FAM53B: variants seen among roughly 807,000 people sequenced by gnomAD.
The protein encoded by FAM53B is protein FAM53B.
Under a neutral mutation model 32.7 loss-of-function variants are expected in FAM53B, and 12 were observed. The observed-to-expected ratio is 0.37, with a 90% confidence interval of 0.24 to 0.59. The LOEUF (loss-of-function observed/expected upper bound fraction) is 0.59. FAM53B is among the 20% of genes least tolerant of loss of function. The pLI is 0.72. For missense variants in FAM53B, 477 were observed against 577.7 expected (o/e 0.83, Z 1.79); for synonymous variants, 234 against 228.7 (o/e 1.02, Z -0.21).
At chr10:124,656,683 C>T (rs769902372) in intron 4 of FAM53B, among the ~76,000 whole-genome samples, 52 of 152,216 alleles carry the variant, frequency 3.4e-4, no homozygotes, top group Non-Finnish European at 6.3e-4. Context: ...ATGTGCTGCC[C>T]TCCCACTGAT....
chr10:124,676,237 C>T (rs1256246855), intron 4 of FAM53B, among the ~76,000 whole-genome samples: 5 of 152,170 alleles, frequency 3.3e-5, no homozygotes, highest in African/African-American at 1.2e-4. Flanking sequence ...CTTTCTAGGG[C>T]TTTCCATGCC....
At chr10:124,735,843 G>A (rs76711079) in intron 1 of FAM53B, among the ~76,000 whole-genome samples, 1,734 of 152,340 alleles carry the variant, frequency 0.011, 11 homozygotes, top group Non-Finnish European at 0.019. Context: ...AGAGACAGTC[G>A]CCTGCTCAAA....
rs546079463 is a variant in FAM53B, at chr10:124,623,332, C to T, written c.1179G>A (p.Pro393=). ...LDEDCGRRAE[P]AAAWRDRGAP... is the part of the protein sequence containing the mutation. ...CCCCGCGGTCCCGCCAGGCTGCAGC[C>T]GGCTCCGCTCTCCTGCCACAATCCT... Residue 393 remains proline, a synonymous_variant, in exon 5 of 5, where the codon CCG becomes CCA. Coordinates refer to ENST00000337318, the MANE Select transcript of FAM53B (RefSeq NM_014661.4). The T allele has an allele frequency of 1.5e-4, 238 of 1,612,194 alleles. 2 individuals are homozygous for T. The highest frequency in any genetic ancestry group is 4.9e-4 in the Middle Eastern group (3 of 6,084).
chr10:124,632,402 C>T (rs1589731175), intron 4 of FAM53B, among the ~76,000 whole-genome samples: 1 of 152,262 alleles, frequency 6.6e-6, no homozygotes, highest in Non-Finnish European at 1.5e-5. Context: ...AGGGACCTTT[C>T]CAAAGCACAC....
At position 124,620,363 on chromosome 10, in the gene FAM53B, C is replaced by G. The variant is rs866918169; in HGVS notation, c.*2879G>C. On this transcript the variant is annotated 3_prime_UTR_variant, in exon 5 of 5. Coordinates refer to ENST00000337318, the MANE Select transcript of FAM53B (RefSeq NM_014661.4). Reference sequence around the variant, plus strand: ...GGTGCATGTGGCACTAAGCCCCCCCCACCGCCCCGGCTTTCCTGCAGGCTT... The same window carrying G: ...GGTGCATGTGGCACTAAGCCCCCCCGACCGCCCCGGCTTTCCTGCAGGCTT... 3 of 146,260 alleles carry G rather than the reference C, an allele frequency of 2.1e-5. No individual in the cohort carries two copies. The highest frequency in any genetic ancestry group is 7.6e-5 in the African/African-American group (3 of 39,556). The allele number at this position is 146,260 out of a possible 1,614,324, so 9.1% of individuals were successfully genotyped here.
intron 4 of FAM53B, chr10:124,667,505 G>A (rs1158036042): frequency 2.8e-6 from 2 of 719,174 alleles, no homozygotes; most frequent in Non-Finnish European, 2.6e-6. Flanking sequence ...CACAGCTGTG[G>A]CCTGGCACTC....
chr10:124,663,806 A>G (rs1241483257), intron 4 of FAM53B, among the ~76,000 whole-genome samples: 2 of 151,894 alleles, frequency 1.3e-5, no homozygotes, highest in African/African-American at 2.4e-5. Flanking sequence ...CCAGCAGCCT[A>G]TATTCCCTGT....
intron 4 of FAM53B, among the ~76,000 whole-genome samples, chr10:124,649,905 A>T (rs375886842): frequency 2.0e-5 from 3 of 152,212 alleles, no homozygotes; most frequent in African/African-American, 4.8e-5. Context: ...TGGTGCCTTT[A>T]GGAAGACACT....
chr10:124,636,696 C>T (rs771619640), intron 4 of FAM53B, among the ~76,000 whole-genome samples: 2 of 151,894 alleles, frequency 1.3e-5, no homozygotes, highest in East Asian at 1.9e-4. Flanking sequence ...CCCCATCCTG[C>T]GGAGGTTAGA....
chr10:124,628,686 T>C (rs113426952), intron 4 of FAM53B, among the ~76,000 whole-genome samples: 13 of 152,326 alleles, frequency 8.5e-5, no homozygotes, highest in African/African-American at 3.1e-4. Flanking sequence ...TGACAGTTCA[T>C]GGCTGCCCCT....
intron 4 of FAM53B, among the ~76,000 whole-genome samples, chr10:124,645,927 T>C (rs1188992878): frequency 1.3e-5 from 2 of 152,140 alleles, no homozygotes; most frequent in East Asian, 3.9e-4. Flanking sequence ...CTGCATGGCA[T>C]TTGAGCTGAG....
chr10:124,680,281 AGGG>A (rs1949761250), intron 4 of FAM53B, among the ~76,000 whole-genome samples: 1 of 152,190 alleles, frequency 6.6e-6, no homozygotes, highest in South Asian at 2.1e-4. Context: ...CCACTGACAC[AGGG>A]GAGGCACAAG....
chr10:124,731,891 C>T (rs923891743), intron 1 of FAM53B, among the ~76,000 whole-genome samples: 6 of 152,182 alleles, frequency 3.9e-5, no homozygotes, highest in Non-Finnish European at 5.9e-5. Flanking sequence ...CATGGGCTGA[C>T]GCAGCTCAAA....
At chr10:124,735,667 A>C (rs1950169148) in intron 1 of FAM53B, among the ~76,000 whole-genome samples, 1 of 152,184 alleles carries the variant, frequency 6.6e-6, no homozygotes, top group South Asian at 2.1e-4. Flanking sequence ...GCCTCCCTTC[A>C]GTCCTCGCAA....
At chr10:124,672,415 G>A (rs553179738) in intron 4 of FAM53B, among the ~76,000 whole-genome samples, 7 of 152,382 alleles carry the variant, frequency 4.6e-5, no homozygotes, top group Non-Finnish European at 8.8e-5. Context: ...AGGGAATGCC[G>A]AAATCCTCCT....
At chr10:124,697,319 A>C (rs1949880024) in intron 2 of FAM53B, among the ~76,000 whole-genome samples, 1 of 152,174 alleles carries the variant, frequency 6.6e-6, no homozygotes, top group South Asian at 2.1e-4. Flanking sequence ...AACACTCCCC[A>C]TATCAAAATG....
At chr10:124,625,955 C>T (rs1486231023) in intron 4 of FAM53B, among the ~76,000 whole-genome samples, 1 of 152,214 alleles carries the variant, frequency 6.6e-6, no homozygotes, top group Non-Finnish European at 1.5e-5. Flanking sequence ...GTAGAGCAGC[C>T]ACGGTGTGTA....
At chr10:124,691,320 GGGGCGGCACAAGGA>G (rs1410728949) in intron 3 of FAM53B, among the ~76,000 whole-genome samples, 2 of 152,182 alleles carry the variant, frequency 1.3e-5, no homozygotes, top group African/African-American at 4.8e-5. Flanking sequence ...AACCTGAACT[GGGGCGGCACAAGGA>G]GGGCTGCTAT....
intron 4 of FAM53B, among the ~76,000 whole-genome samples, chr10:124,661,840 T>C (rs931320402): frequency 6.6e-6 from 1 of 152,234 alleles, no homozygotes; most frequent in Non-Finnish European, 1.5e-5. Flanking sequence ...ACAACTGTCA[T>C]CTTAGACTGT....
Sources: allele counts gnomAD v4.1 joint callset (sites outside exome capture counted in the v4.1 genomes callset), GRCh38; gene constraint gnomAD v4.1.1; transcripts MANE v1.5; gene names NCBI Gene and HGNC (gene_info 2026-07-23, HGNC 2026-07-21).